CREBRF: variants seen among roughly 807,000 people sequenced by gnomAD.
The protein encoded by CREBRF is CREB3 regulatory factor.
A neutral mutation model predicts 66.1 loss-of-function variants in CREBRF; 5 were observed. That is an observed-to-expected ratio of 0.08 (90% confidence interval 0.04 to 0.16). The LOEUF is 0.16. Among genes scored for constraint, CREBRF ranks in the 10% least tolerant of loss-of-function variants. The probability of loss-of-function intolerance (pLI) is 1.00; values close to 1 mark genes in which losing one functional copy is unlikely to be tolerated. For synonymous variants in CREBRF, 229 were observed against 264.4 expected, an observed-to-expected ratio of 0.87 and a Z score of 1.30; for missense variants, 531 against 744.9, an observed-to-expected ratio of 0.71 and a Z score of 3.34.
intron 4 of CREBRF, among the ~76,000 whole-genome samples, chr5:173,105,879 A>C (rs1166362805): frequency 6.6e-6 from 1 of 151,670 alleles, no homozygotes; most frequent in South Asian, 2.1e-4. Flanking sequence ...CGGCCTCCCA[A>C]AGTGCTGGGA....
intron 8 of CREBRF, among the ~76,000 whole-genome samples, chr5:173,129,106 C>CTTTTTTTTTTTTTTTT (rs70984946): frequency 3.7e-5 from 2 of 53,750 alleles, no homozygotes; most frequent in African/African-American, 1.6e-4. Flanking sequence ...TTAGTTACAT[C>CTTTTTTTTTTTTTTTT]TTTTTTTTTT....
chr5:173,133,214 TCA>T (rs1267862975), intron 8 of CREBRF, among the ~76,000 whole-genome samples: 3 of 152,192 alleles, frequency 2.0e-5, no homozygotes, highest in Non-Finnish European at 4.4e-5. Flanking sequence ...GTCTATATTT[TCA>T]GTTTCATGGG....
At chr5:173,075,828 G>A (rs1757745376) in intron 1 of CREBRF, among the ~76,000 whole-genome samples, 2 of 150,602 alleles carry the variant, frequency 1.3e-5, no homozygotes, top group African/African-American at 4.9e-5. Context: ...ATTCTTTCCT[G>A]CCCTCCTGCC....
At chr5:173,120,385 CT>C (rs567092558) in intron 7 of CREBRF, among the ~76,000 whole-genome samples, 157 of 143,958 alleles carry the variant, frequency 1.1e-3, no homozygotes, top group South Asian at 1.3e-3. Context: ...TTCTTTCTTT[CT>C]TTTTTTTTTT....
At chr5:173,117,670 T>C (rs1479585061) in intron 7 of CREBRF, among the ~76,000 whole-genome samples, 3 of 127,004 alleles carry the variant, frequency 2.4e-5, no homozygotes, top group Non-Finnish European at 5.1e-5. Flanking sequence ...CTCTCTTTCT[T>C]TTTCTCTCTC....
intron 1 of CREBRF, among the ~76,000 whole-genome samples, chr5:173,058,641 G>T (rs1327629952): frequency 6.6e-6 from 1 of 150,854 alleles, no homozygotes; most frequent in Non-Finnish European, 1.5e-5. Context: ...CCGCCATCAC[G>T]CCCGGCTAAT....
In CREBRF at chr5:173,080,657, C is replaced by T. The variant is rs1757914206; in HGVS notation, c.-119C>T. The T allele has an allele frequency of 3.0e-6, 3 of 988,614 alleles. No homozygotes were observed. The highest frequency in any genetic ancestry group is 2.0e-5 in the Admixed American group (1 of 49,068). 61.2% of individuals were successfully genotyped at this position (988,614 alleles called of 1,614,324 possible). A position where few individuals can be genotyped will look rare whatever the true frequency, so the allele number is the denominator to read the frequency against. On this transcript the variant is annotated 5_prime_UTR_variant, in exon 2 of 9. Coordinates refer to ENST00000296953, the MANE Select transcript of CREBRF (RefSeq NM_153607.3). ...TTGAATTGGAAGCACTCTGGGGAAA[C>T]CTGCTGTTTATTGTGGAAATCATCT...
intron 7 of CREBRF, among the ~76,000 whole-genome samples, chr5:173,122,436 C>T (rs975608218): frequency 6.6e-6 from 1 of 151,790 alleles, no homozygotes; most frequent in African/African-American, 2.4e-5. Context: ...AGTGCCACAT[C>T]ATTTGAAATC....
In CREBRF at chr5:173,090,798, C is replaced by T; in HGVS notation, c.619C>T (p.Pro207Ser). The T allele has an allele frequency of 6.2e-7, 1 of 1,614,134 alleles. No homozygotes were observed. Among genetic ancestry groups the T allele is most frequent in the Non-Finnish European group, 8.5e-7 (1 of 1,180,038 alleles). The change falls in exon 4 of 9, where the codon CCC becomes TCC. Residue 207 changes from proline to serine, a missense_variant. Transcript: ENST00000296953. The surrounding 1 kb of genome is among the most constrained non-coding windows in gnomAD (Gnocchi z 4.5). Reference sequence around the variant, plus strand: ...AGACTGTGTCCAAAAAGCAAGTAAACCCACTTCAAGCACACAAATCATGGT... The same window carrying T: ...AGACTGTGTCCAAAAAGCAAGTAAATCCACTTCAAGCACACAAATCATGGT... ...LSDCVQKASK[P>S]TSSTQIMVKT...
chr5:173,131,525 T>G (rs1044370385), intron 8 of CREBRF, among the ~76,000 whole-genome samples: 1 of 152,230 alleles, frequency 6.6e-6, no homozygotes, highest in African/African-American at 2.4e-5. Context: ...TTGTAAAATG[T>G]CTCAACATTT....
At chr5:173,082,014 T>TTTTTTTTTTTTTTTTTTTTTTTTTG (rs1757966771) in intron 2 of CREBRF, among the ~76,000 whole-genome samples, 6 of 113,858 alleles carry the variant, frequency 5.3e-5, no homozygotes, top group Non-Finnish European at 9.7e-5. Context: ...TTTTTTTTTT[T>TTTTTTTTTTTTTTTTTTTTTTTTTG]TTTTTTTTTT....
rs755424130 is a variant in CREBRF at position 173,086,615 on chromosome 5, A to G, written c.124A>G (p.Met42Val). 6.2e-7 allele frequency: 1 copy of G among 1,611,014 alleles called. No individual in the cohort carries two copies. Among genetic ancestry groups the G allele is most frequent in the Non-Finnish European group, 8.5e-7 (1 of 1,178,764 alleles). ...LLANSSDPDF[M>V]YELDREMNYQ... ...AGCAAACAGTTCGGATCCAGATTTCATGTATGAACTGGTAAGCAACATTTT... is the reference window on the plus strand; with the variant it reads ...AGCAAACAGTTCGGATCCAGATTTCGTGTATGAACTGGTAAGCAACATTTT... Residue 42 changes from methionine (M) to valine (V), a missense_variant, in exon 3 of 9, where the codon ATG (methionine) becomes GTG (valine). By Grantham distance (21) the Met-to-Val change is conservative (BLOSUM62 1). Transcript: ENST00000296953.
chr5:173,127,758 T>G (rs1456871064), intron 8 of CREBRF, among the ~76,000 whole-genome samples: 1 of 152,140 alleles, frequency 6.6e-6, no homozygotes, highest in African/African-American at 2.4e-5. Flanking sequence ...GCGCCTGGCC[T>G]GAGTTTATTT....
chr5:173,117,459 T>C (rs1759016908), intron 7 of CREBRF, among the ~76,000 whole-genome samples: 1 of 151,734 alleles, frequency 6.6e-6, no homozygotes, highest in Non-Finnish European at 1.5e-5. Context: ...GCTTTTTGCT[T>C]TCCTCATTGG....
intron 7 of CREBRF, among the ~76,000 whole-genome samples, chr5:173,114,788 A>T (rs1048592338): frequency 6.6e-6 from 1 of 152,220 alleles, no homozygotes; most frequent in Non-Finnish European, 1.5e-5. Context: ...CAGAATGAGA[A>T]ATAGAACTGT....
intron 2 of CREBRF, chr5:173,085,241 C>G (rs918621543): frequency 5.5e-5 from 24 of 438,142 alleles, no homozygotes; most frequent in Non-Finnish European, 8.3e-5. Flanking sequence ...CTGCCCCCAG[C>G]CTGAATTTTA....
intron 4 of CREBRF, among the ~76,000 whole-genome samples, chr5:173,107,394 A>C (rs1254958263): frequency 6.6e-6 from 1 of 152,154 alleles, no homozygotes; most frequent in Non-Finnish European, 1.5e-5. Flanking sequence ...AGGGTATTTT[A>C]GATTTATAGG....
intron 2 of CREBRF, among the ~76,000 whole-genome samples, chr5:173,084,391 A>G (rs1254043989): frequency 6.6e-6 from 1 of 152,336 alleles, no homozygotes; most frequent in Admixed American, 6.5e-5. Context: ...AGCTTCAACA[A>G]TTCCAATTAG....
chr5:173,085,322 T>C (rs1428337536), intron 2 of CREBRF: 4 of 1,046,498 alleles, frequency 3.8e-6, no homozygotes, highest in South Asian at 1.4e-5. Flanking sequence ...CAGAAAGGGC[T>C]CTGGAGAGAT....
Sources: gnomAD v4.1 joint callset for allele counts (sites outside exome capture counted in the v4.1 genomes callset) on GRCh38, gnomAD v4.1.1 for gene constraint, Gnocchi (gnomAD v3.1) non-coding constraint, MANE v1.5 for transcripts, NCBI Gene and HGNC (gene_info 2026-07-23, HGNC 2026-07-21) for gene names.